The following SLC24A3 variants were observed in gnomAD, a reference collection of about 807,000 sequenced individuals.
SLC24A3 encodes the protein sodium/potassium/calcium exchanger 3.
SLC24A3 carries 28 observed loss-of-function variants against 75.8 expected under a neutral mutation model. The observed-to-expected ratio is 0.37, with a 90% confidence interval of 0.27 to 0.51. The LOEUF (loss-of-function observed/expected upper bound fraction) is 0.51. SLC24A3 is among the 20% of genes least tolerant of loss of function. The pLI, the probability that SLC24A3 is intolerant of heterozygous loss-of-function variation, is 0.94. For synonymous variants in SLC24A3, 372 were observed against 334.1 expected (o/e 1.11, Z -1.24); for missense variants, 663 against 847.8 (o/e 0.78, Z 2.71).
chr20:19,403,001 A>G (rs529030837), intron 2 of SLC24A3, among the ~76,000 whole-genome samples: 1 of 152,348 alleles, frequency 6.6e-6, no homozygotes, highest in African/African-American at 2.4e-5. Context: ...CACTGTAATT[A>G]TAATTAACCA....
At chr20:19,247,557 C>T (rs929858439) in intron 1 of SLC24A3, among the ~76,000 whole-genome samples, 4 of 152,082 alleles carry the variant, frequency 2.6e-5, no homozygotes, top group Non-Finnish European at 4.4e-5. Context: ...AGACAGTTCC[C>T]AATTCTCTCT....
Position 19,294,485 on chromosome 20 carries a change from A to G in SLC24A3, c.271+13398A>G, listed in dbSNP as rs577985801. Among the ~76,000 whole-genome samples, 1,084 of 151,850 alleles carry G rather than the reference A, an allele frequency of 7.1e-3. 11 individuals carry two copies. The highest frequency in any genetic ancestry group is 0.025 in the African/African-American group (1,045 of 41,366). Reference sequence around the variant, plus strand: ...GTGTGTTGTTCCCTTCCCCGTTTCCATGTGTTCTCATTGTTCAGCTCCTAC... The same window carrying G: ...GTGTGTTGTTCCCTTCCCCGTTTCCGTGTGTTCTCATTGTTCAGCTCCTAC... On this transcript the variant is annotated intron_variant, in intron 2 of 16. Transcript: ENST00000328041.
chr20:19,322,865 A>G (rs1215920795), intron 2 of SLC24A3, among the ~76,000 whole-genome samples: 1 of 152,158 alleles, frequency 6.6e-6, no homozygotes, highest in Non-Finnish European at 1.5e-5. Context: ...AGACATAAAG[A>G]CAGTGGGGCT....
rs553886837 is a variant in SLC24A3 at position 19,591,747 on chromosome 20, C to G, written c.612+6203C>G. ...AATCAAGAACCACATACCCATTTCTCCCTTCCCTCCAGAGCTAAGAATCTA... is the reference window on the plus strand; with the variant it reads ...AATCAAGAACCACATACCCATTTCTGCCTTCCCTCCAGAGCTAAGAATCTA... On this transcript the variant is annotated intron_variant, in intron 6 of 16. Coordinates refer to ENST00000328041, the MANE Select transcript of SLC24A3 (RefSeq NM_020689.4). Among the ~76,000 whole-genome samples the G allele has an allele frequency of 3.3e-5, 5 of 152,296 alleles. No homozygotes were observed. In the East Asian group the frequency reaches 9.6e-4, roughly 29 times the overall value.
intron 2 of SLC24A3, among the ~76,000 whole-genome samples, chr20:19,348,428 C>T (rs959610021): frequency 3.3e-5 from 5 of 152,124 alleles, no homozygotes; most frequent in African/African-American, 1.2e-4. Context: ...ATCAGACAGT[C>T]CACGTATAGG....
At chr20:19,327,075 T>C (rs974984582) in intron 2 of SLC24A3, among the ~76,000 whole-genome samples, 3 of 152,222 alleles carry the variant, frequency 2.0e-5, no homozygotes, top group Non-Finnish European at 2.9e-5. Flanking sequence ...TAAAAAAACG[T>C]ACTAATATTT....
chr20:19,334,908 C>T (rs1600435085), intron 2 of SLC24A3, among the ~76,000 whole-genome samples: 2 of 152,174 alleles, frequency 1.3e-5, no homozygotes, highest in Admixed American at 6.5e-5. Flanking sequence ...ACTAAGCATA[C>T]AGACACAGGG....
intron 2 of SLC24A3, among the ~76,000 whole-genome samples, chr20:19,445,735 C>T (rs900313920): frequency 2.6e-5 from 4 of 152,066 alleles, no homozygotes; most frequent in African/African-American, 9.7e-5. Context: ...GCTCTGACAG[C>T]CAGGAAGTGC....
At chr20:19,402,219 A>C (rs910338779) in intron 2 of SLC24A3, among the ~76,000 whole-genome samples, 46 of 152,218 alleles carry the variant, frequency 3.0e-4, no homozygotes, top group Admixed American at 2.8e-3. Flanking sequence ...ATCACAAAAT[A>C]ATCAAATCCT....
chr20:19,431,029 G>A (rs1232185444), intron 2 of SLC24A3, among the ~76,000 whole-genome samples: 1 of 152,086 alleles, frequency 6.6e-6, no homozygotes, highest in Non-Finnish European at 1.5e-5. Context: ...TCTGCTGGGG[G>A]CAAAAGGAGC....
At chr20:19,609,673 G>T (rs1490869366) in intron 6 of SLC24A3, among the ~76,000 whole-genome samples, 1 of 152,030 alleles carries the variant, frequency 6.6e-6, no homozygotes, top group East Asian at 1.9e-4. Flanking sequence ...CACATGTTTT[G>T]CTTTTGAAGC....
chr20:19,525,276 C>T (rs2030177580), intron 3 of SLC24A3, among the ~76,000 whole-genome samples: 1 of 152,184 alleles, frequency 6.6e-6, no homozygotes, highest in African/African-American at 2.4e-5. Context: ...GTCACTTCCT[C>T]CTGAGGACCC....
chr20:19,508,553 A>G (rs1988492724), intron 2 of SLC24A3, among the ~76,000 whole-genome samples: 1 of 152,008 alleles, frequency 6.6e-6, no homozygotes, highest in Admixed American at 6.5e-5. Flanking sequence ...ACCTCCGTTT[A>G]GACTCATCAA....
intron 2 of SLC24A3, among the ~76,000 whole-genome samples, chr20:19,359,858 C>T (rs1233215283): frequency 1.3e-5 from 2 of 152,110 alleles, no homozygotes. Context: ...AGCTTGGGCT[C>T]AGTTTCGATG....
chr20:19,445,854 C>A (rs929608597), intron 2 of SLC24A3, among the ~76,000 whole-genome samples: 3 of 152,148 alleles, frequency 2.0e-5, no homozygotes, highest in Non-Finnish European at 4.4e-5. Context: ...CTGCCCAAAC[C>A]TCTTATTAAA....
At chr20:19,459,360 A>C (rs1446207293) in intron 2 of SLC24A3, among the ~76,000 whole-genome samples, 1 of 152,148 alleles carries the variant, frequency 6.6e-6, no homozygotes, top group East Asian at 1.9e-4. Flanking sequence ...CCTCCATCAG[A>C]TAAAACCGTC....
intron 1 of SLC24A3, among the ~76,000 whole-genome samples, chr20:19,256,057 G>T (rs979420027): frequency 1.3e-5 from 2 of 151,876 alleles, no homozygotes; most frequent in African/African-American, 4.8e-5. Context: ...TATGATGGTG[G>T]TACTGCACTC....
chr20:19,561,236 C>A (rs903678624), intron 3 of SLC24A3, among the ~76,000 whole-genome samples: 1 of 152,304 alleles, frequency 6.6e-6, no homozygotes, highest in East Asian at 1.9e-4. Context: ...GTCTTCTCCA[C>A]TGGGGAAATG....
At chr20:19,521,140 C>T (rs2030090399) in intron 3 of SLC24A3, among the ~76,000 whole-genome samples, 1 of 152,052 alleles carries the variant, frequency 6.6e-6, no homozygotes, top group Non-Finnish European at 1.5e-5. Flanking sequence ...CCCTCTTTGC[C>T]TCCCTCCCTC....
Sources: gnomAD v4.1 joint callset for allele counts (sites outside exome capture counted in the v4.1 genomes callset) on GRCh38, gnomAD v4.1.1 for gene constraint, MANE v1.5 for transcripts, NCBI Gene and HGNC (gene_info 2026-07-23, HGNC 2026-07-21) for gene names.